Variants in MGMT observed in about 807,000 individuals in gnomAD.
MGMT encodes O-6-methylguanine-DNA methyltransferase.
Under a neutral mutation model 15.9 loss-of-function variants are expected in MGMT, and 14 were observed. The observed-to-expected ratio is 0.88, with a 90% CI of 0.58 to 1.37. The LOEUF is 1.37. Ranked by LOEUF, MGMT falls within the 40% of genes most tolerant of loss-of-function variation. The pLI, the probability that MGMT is intolerant of heterozygous loss-of-function variation, is 0.00. For synonymous variants in MGMT, 130 were observed against 118.2 expected (o/e 1.10, Z -0.65); for missense variants, 282 against 268.1 (o/e 1.05, Z -0.36).
At chr10:129,578,043 G>T (rs1360046420) in intron 2 of MGMT, among the ~76,000 whole-genome samples, 2 of 152,226 alleles carry the variant, frequency 1.3e-5, no homozygotes, top group Admixed American at 6.5e-5. Flanking sequence ...ACAGGTGCTG[G>T]AGAGGATGTG....
chr10:129,611,507 A>T (rs1177438342), intron 2 of MGMT, among the ~76,000 whole-genome samples: 1 of 152,330 alleles, frequency 6.6e-6, no homozygotes, highest in African/African-American at 2.4e-5. Context: ...ACAAGTCAAC[A>T]TGCAGTTTGG....
intron 2 of MGMT, among the ~76,000 whole-genome samples, chr10:129,616,839 G>T (rs1847033088): frequency 6.6e-6 from 1 of 152,100 alleles, no homozygotes; most frequent in Non-Finnish European, 1.5e-5. Context: ...AGAGGGGCCT[G>T]GGAGTGTGCT....
intron 3 of MGMT, among the ~76,000 whole-genome samples, chr10:129,724,184 G>A (rs893175419): frequency 6.6e-6 from 1 of 152,192 alleles, no homozygotes; most frequent in African/African-American, 2.4e-5. Context: ...TGTAGAGCCT[G>A]TTCCTATCTG....
At chr10:129,733,660 C>G (rs1437776582) in intron 3 of MGMT, among the ~76,000 whole-genome samples, 3 of 152,150 alleles carry the variant, frequency 2.0e-5, no homozygotes, top group Admixed American at 1.3e-4. Flanking sequence ...ATGGTAATGC[C>G]TAGGTTTTCT....
chr10:129,618,162 C>T (rs1847050147), intron 2 of MGMT, among the ~76,000 whole-genome samples: 1 of 152,122 alleles, frequency 6.6e-6, no homozygotes, highest in Non-Finnish European at 1.5e-5. Flanking sequence ...GTTTCTAGAA[C>T]TTCTTTGGTA....
intron 2 of MGMT, among the ~76,000 whole-genome samples, chr10:129,612,475 C>A (rs931159630): frequency 2.0e-5 from 3 of 152,204 alleles, no homozygotes; most frequent in African/African-American, 7.2e-5. Context: ...TTTACAAAGT[C>A]TTGAATTAAA....
chr10:129,620,756 C>G (rs1332691543), intron 2 of MGMT, among the ~76,000 whole-genome samples: 1 of 152,148 alleles, frequency 6.6e-6, no homozygotes, highest in Non-Finnish European at 1.5e-5. Context: ...ATCCAGTATG[C>G]AAGTCTGTAC....
At chr10:129,499,839 C>T (rs982924540) in intron 1 of MGMT, among the ~76,000 whole-genome samples, 1 of 152,164 alleles carries the variant, frequency 6.6e-6, no homozygotes, top group African/African-American at 2.4e-5. Context: ...AATTGGGTTT[C>T]CTGGTGACAA....
chr10:129,558,904 C>T (rs531209604), intron 2 of MGMT, among the ~76,000 whole-genome samples: 39 of 152,266 alleles, frequency 2.6e-4, no homozygotes, highest in African/African-American at 8.7e-4. Context: ...GCTGCATCCC[C>T]GACGCCGGGC....
At chr10:129,614,379 C>A (rs1178478513) in intron 2 of MGMT, among the ~76,000 whole-genome samples, 1 of 152,164 alleles carries the variant, frequency 6.6e-6, no homozygotes, top group African/African-American at 2.4e-5. Flanking sequence ...TGCTAGTGAT[C>A]GTCTGTGGGC....
intron 2 of MGMT, among the ~76,000 whole-genome samples, chr10:129,636,099 A>G (rs775439834): frequency 1.3e-5 from 2 of 152,244 alleles, no homozygotes; most frequent in Admixed American, 1.3e-4. Context: ...TAAGATTTAT[A>G]AGGTGCTTAC....
intron 1 of MGMT, among the ~76,000 whole-genome samples, chr10:129,523,658 A>C (rs1845837640): frequency 6.6e-6 from 1 of 152,090 alleles, no homozygotes; most frequent in Non-Finnish European, 1.5e-5. Flanking sequence ...GGGACTGTGA[A>C]ATCTCTTCTC....
intron 1 of MGMT, among the ~76,000 whole-genome samples, chr10:129,521,829 C>T (rs572536665): frequency 1.1e-4 from 16 of 152,352 alleles, no homozygotes; most frequent in South Asian, 4.1e-4. Flanking sequence ...GCAGCCTCCC[C>T]GGTGCTAGTG....
At chr10:129,706,424 C>T (rs577076457) in intron 2 of MGMT, among the ~76,000 whole-genome samples, 5 of 152,290 alleles carry the variant, frequency 3.3e-5, no homozygotes, top group East Asian at 1.9e-4. Context: ...TCTCAGCGCA[C>T]GCCCCCCAAG....
chr10:129,551,252 T>G (rs1174247058), intron 2 of MGMT, among the ~76,000 whole-genome samples: 3 of 152,234 alleles, frequency 2.0e-5, no homozygotes, highest in African/African-American at 7.2e-5. Flanking sequence ...GCACTGTTTT[T>G]ACATTAATGA....
intron 2 of MGMT, among the ~76,000 whole-genome samples, chr10:129,689,017 A>G (rs1847942038): frequency 6.6e-6 from 1 of 152,062 alleles, no homozygotes; most frequent in Non-Finnish European, 1.5e-5. Flanking sequence ...GATGGAGTAC[A>G]GTGGCAAGAT....
chr10:129,655,610 A>T (rs937629177), intron 2 of MGMT, among the ~76,000 whole-genome samples: 1 of 152,202 alleles, frequency 6.6e-6, no homozygotes, highest in African/African-American at 2.4e-5. Context: ...GGACTGGCAT[A>T]AACAAACAGG....
At chr10:129,606,915 A>G (rs1457286431) in intron 2 of MGMT, among the ~76,000 whole-genome samples, 3 of 152,362 alleles carry the variant, frequency 2.0e-5, no homozygotes, top group East Asian at 1.9e-4. Flanking sequence ...GGAATAATCT[A>G]TAACAGTATT....
At chr10:129,679,611 C>T (rs995639170) in intron 2 of MGMT, among the ~76,000 whole-genome samples, 4 of 152,150 alleles carry the variant, frequency 2.6e-5, no homozygotes, top group Non-Finnish European at 4.4e-5. Context: ...GATGTCGGGA[C>T]GTGCTGTGGG....
Sources: allele counts gnomAD v4.1 joint callset (sites outside exome capture counted in the v4.1 genomes callset), GRCh38; gene constraint gnomAD v4.1.1; transcripts MANE v1.5; gene names NCBI Gene and HGNC (gene_info 2026-07-23, HGNC 2026-07-21).